WNT11: variants seen among roughly 807,000 people sequenced by gnomAD.
The protein encoded by WNT11 is protein Wnt-11.
Under a neutral mutation model 35.6 loss-of-function variants are expected in WNT11, and 20 were observed. That is an observed-to-expected ratio of 0.56 (90% CI 0.40 to 0.82). The LOEUF is 0.82. WNT11 is among the 40% of genes least tolerant of loss of function. The probability of loss-of-function intolerance (pLI) is 0.00; values close to 1 mark genes in which losing one functional copy is unlikely to be tolerated. For missense variants in WNT11, 459 were observed against 504.4 expected (o/e 0.91, Z 0.86); for synonymous variants, 200 against 211.9 (o/e 0.94, Z 0.49).
chr11:76,187,341 C>A, intron 4 of WNT11, 102 bp from the exon 5 acceptor site: 1 of 1,104,782 alleles, frequency 9.1e-7, no homozygotes, highest in Non-Finnish European at 1.2e-6. Context: ...CCCATGGCCA[C>A]CGACTCAGCC....
Position 76,194,820 on chromosome 11 carries a change from T to A in WNT11, c.344A>T (p.Tyr115Phe). Residue 115 changes from tyrosine to phenylalanine, a missense_variant, in exon 3 of 5, where the codon TAT becomes TTT. Coordinates refer to ENST00000322563, the MANE Select transcript of WNT11 (RefSeq NM_004626.3). The surrounding 1 kb of genome is among the most constrained non-coding windows in gnomAD (Gnocchi z 5.4). ...GCTGATGGCGGCGGCCGACAGCGCATACACGAAGGCCGACTCCCGGGTCCC... is the reference window on the plus strand; with the variant it reads ...GCTGATGGCGGCGGCCGACAGCGCAAACACGAAGGCCGACTCCCGGGTCCC... ...ERGTRESAFV[Y>F]ALSAAAISHA... is the part of the protein sequence containing the mutation. 6.5e-7 allele frequency: 1 copy of A among 1,538,216 alleles called. No homozygotes were observed. The highest frequency in any genetic ancestry group is 1.2e-5 in the South Asian group (1 of 82,090).
intron 1 of WNT11, among the ~76,000 whole-genome samples, chr11:76,200,398 C>G (rs1392258360): frequency 6.6e-6 from 1 of 152,234 alleles, no homozygotes; most frequent in East Asian, 1.9e-4. Context: ...TCTGACCACA[C>G]AGAGGCAAAC....
chr11:76,192,033 C>T (rs931757991), intron 3 of WNT11, among the ~76,000 whole-genome samples, 177 bp from the exon 4 acceptor site: 35 of 152,196 alleles, frequency 2.3e-4, no homozygotes, highest in Middle Eastern at 3.4e-3. Context: ...TTCCTGCAAC[C>T]GTGGGGGGCA....
At chr11:76,201,858 G>A (rs1249429551) in intron 1 of WNT11, among the ~76,000 whole-genome samples, 3 of 152,118 alleles carry the variant, frequency 2.0e-5, no homozygotes, top group East Asian at 1.9e-4. Context: ...TCCTGGTGGC[G>A]CCAGCAACCC....
chr11:76,199,899 G>T (rs992522428), intron 1 of WNT11, among the ~76,000 whole-genome samples: 2 of 152,214 alleles, frequency 1.3e-5, no homozygotes, highest in Non-Finnish European at 2.9e-5. Context: ...TCTCACTCAA[G>T]CTCTGTCCTC....
Position 76,187,120 on chromosome 11 carries a change from C to T in WNT11, c.1010G>A (p.Cys337Tyr). ...ERCHCKYHWCCYVTCRRCERT... is the reference protein window; with the variant it reads ...ERCHCKYHWCYYVTCRRCERT... ...CTCACACCTGCGGCAGGTGACGTAGCAGCACCAGTGGTACTTACAGTGGCA... is the reference window on the plus strand; with the variant it reads ...CTCACACCTGCGGCAGGTGACGTAGTAGCACCAGTGGTACTTACAGTGGCA... Residue 337 changes from cysteine (C) to tyrosine (Y), a missense_variant, in exon 5 of 5, where the codon TGC (cysteine) becomes TAC (tyrosine). Physicochemically the swap from Cys to Tyr is radical, Grantham distance 194. Transcript: ENST00000322563. 2 of 1,612,486 alleles carry T rather than the reference C, an allele frequency of 1.2e-6. No homozygotes were observed. The highest frequency in any genetic ancestry group is 1.7e-6 in the Non-Finnish European group (2 of 1,180,016).
chr11:76,198,094 C>G (rs75598220), intron 1 of WNT11, among the ~76,000 whole-genome samples: 2,254 of 152,290 alleles, frequency 0.015, 49 homozygotes, highest in African/African-American at 0.052. Flanking sequence ...TCCCAGAACC[C>G]CTGGGCTGAG....
chr11:76,210,294 A>T (rs1009505615), upstream of WNT11: 2 of 441,842 alleles, frequency 4.5e-6, no homozygotes, highest in African/African-American at 2.1e-5. Flanking sequence ...GCAAAGGGGA[A>T]CTCTTCGGAG....
At chr11:76,197,000 T>C (rs1243324883) in intron 1 of WNT11, among the ~76,000 whole-genome samples, 1 of 152,236 alleles carries the variant, frequency 6.6e-6, no homozygotes, top group Non-Finnish European at 1.5e-5. Context: ...TTTAGGATAA[T>C]TATACTAACA....
chr11:76,187,319 C>CTCGT, intron 4 of WNT11, 80 bp from the exon 5 acceptor site: 1 of 1,358,868 alleles, frequency 7.4e-7, no homozygotes, highest in South Asian at 1.7e-5. Context: ...AGCCAGGCAG[C>CTCGT]CGGCAGCGTC....
intron 1 of WNT11, among the ~76,000 whole-genome samples, chr11:76,200,540 C>T (rs1426304658): frequency 1.3e-5 from 2 of 152,228 alleles, no homozygotes; most frequent in Non-Finnish European, 2.9e-5. Flanking sequence ...GTTGACAGAG[C>T]CTCCCACTTC....
intron 1 of WNT11, among the ~76,000 whole-genome samples, chr11:76,203,330 A>T (rs1405691650): frequency 6.6e-6 from 1 of 152,194 alleles, no homozygotes; most frequent in Admixed American, 6.5e-5. Context: ...CTGCAGCGCC[A>T]TGGCCCTCTA....
In WNT11 at chr11:76,191,825, T is replaced by G; in HGVS notation, c.629A>C (p.Lys210Thr). The G allele has an allele frequency of 6.2e-7, 1 of 1,605,978 alleles. No homozygotes were observed. Among genetic ancestry groups the G allele is most frequent in the Non-Finnish European group, 8.5e-7 (1 of 1,179,676 alleles). The change falls in exon 4 of 5, where the codon AAG becomes ACG. Residue 210 changes from lysine to threonine, a missense_variant. Transcript: ENST00000322563. ...GCAGGAGCCAGACACCCCATGGCAC[T>G]TACACTTCATTTCCAGAGAGGCGCG... ...ALRASLEMKC[K>T]CHGVSGSCSI...
Position 76,191,731 on chromosome 11 carries a change from G to T in WNT11, c.723C>A (p.Tyr241Ter). ...GGTGCACTACCTTGGTGGCCGACAGGTATCGGGTCTTGAGGTCAGCAGCCA... is the reference window on the plus strand; with the variant it reads ...GGTGCACTACCTTGGTGGCCGACAGTTATCGGGTCTTGAGGTCAGCAGCCA... ...QDVAADLKTR[Y>*]LSATKVVHRP... Residue 241 changes from tyrosine (Y) to a stop codon, truncating the protein, a stop_gained, in exon 4 of 5, where the codon TAC becomes TAA. Coordinates refer to ENST00000322563, the MANE Select transcript of WNT11 (RefSeq NM_004626.3). LOFTEE classifies it high-confidence loss of function. The T allele has an allele frequency of 6.2e-7, 1 of 1,613,768 alleles. No homozygotes were observed.
intron 1 of WNT11, among the ~76,000 whole-genome samples, chr11:76,205,351 C>G (rs1420533963): frequency 6.6e-6 from 1 of 151,942 alleles, no homozygotes; most frequent in Non-Finnish European, 1.5e-5. Context: ...GATTCCAGAC[C>G]CTTGTCCTGT....
chr11:76,208,125 C>T (rs1953501703), upstream of WNT11, among the ~76,000 whole-genome samples: 1 of 152,234 alleles, frequency 6.6e-6, no homozygotes, highest in Non-Finnish European at 1.5e-5. Flanking sequence ...GGGGCTTCGC[C>T]GTGCGTCCCC....
At position 76,194,684 on chromosome 11, in the gene WNT11, G is replaced by A; in HGVS notation, c.480C>T (p.Asn160=). 6.4e-7 allele frequency: 1 copy of A among 1,550,656 alleles called. No individual in the cohort carries two copies. The highest frequency in any genetic ancestry group is 8.7e-7 in the Non-Finnish European group (1 of 1,146,948). ...CCCCCATGAGGAGCCCGTAGCTGAG[G>A]TTGTCCGCACATCCTCCCCAGCGGT... ...PGNRWGGCAD[N]LSYGLLMGAK... is the part of the protein sequence containing the mutation. The change falls in exon 3 of 5, where the codon AAC becomes AAT. Residue 160 remains asparagine (N), a synonymous_variant. Coordinates refer to ENST00000322563, the MANE Select transcript of WNT11 (RefSeq NM_004626.3). This position sits in a 1 kb window ranked among gnomAD's most constrained non-coding sequence, Gnocchi z 5.4.
At chr11:76,208,675 G>C (rs1423545695), upstream of WNT11, among the ~76,000 whole-genome samples, 1 of 152,144 alleles carries the variant, frequency 6.6e-6, no homozygotes, top group Non-Finnish European at 1.5e-5. Flanking sequence ...TGTCCAGCCT[G>C]GTCTCCCAGG....
At chr11:76,207,270 G>A (rs1190217844), upstream of WNT11, among the ~76,000 whole-genome samples, 1 of 152,218 alleles carries the variant, frequency 6.6e-6, no homozygotes, top group Non-Finnish European at 1.5e-5. Flanking sequence ...GGCTGAGGCA[G>A]GAGAACCGCT....
Sources: allele counts gnomAD v4.1 joint callset (sites outside exome capture counted in the v4.1 genomes callset), GRCh38; gene constraint gnomAD v4.1.1; non-coding constraint Gnocchi (gnomAD v3.1); transcripts MANE v1.5; gene names NCBI Gene and HGNC (gene_info 2026-07-23, HGNC 2026-07-21).